The following ACAA2 variants were observed in gnomAD, a reference collection of about 807,000 sequenced individuals.
The protein encoded by ACAA2 is 3-ketoacyl-CoA thiolase, mitochondrial.
In ACAA2, 35 loss-of-function variants were observed where a neutral mutation model predicts 44.8. That is an observed-to-expected ratio of 0.78 (90% CI 0.60 to 1.04). The LOEUF (loss-of-function observed/expected upper bound fraction) is 1.04. Ranked by LOEUF, ACAA2 falls within the 50% of genes least tolerant of loss-of-function variation. The pLI is 0.00. For synonymous variants in ACAA2, 142 were observed against 166.5 expected (o/e 0.85, Z 1.13); for missense variants, 468 against 482.6 (o/e 0.97, Z 0.28).
At chr18:49,796,477 T>C (rs1024897536) in intron 3 of ACAA2, among the ~76,000 whole-genome samples, 1 of 152,212 alleles carries the variant, frequency 6.6e-6, no homozygotes, top group Non-Finnish European at 1.5e-5. Context: ...AACAAATTAA[T>C]GTGAAAATTG....
chr18:49,785,275 T>G lies in ACAA2; in HGVS notation c.1031A>C (p.Asn344Thr). Residue 344 changes from asparagine (N) to threonine (T), a missense_variant, in exon 9 of 10, where the codon AAT (asparagine) becomes ACT (threonine). Transcript: ENST00000285093. ...GTGACCCAAAGCAATGGCTCCTCCATTCACATTGGTTTTACTTATGTCAAG... is the reference window on the plus strand; with the variant it reads ...GTGACCCAAAGCAATGGCTCCTCCAGTCACATTGGTTTTACTTATGTCAAG... Reference protein sequence around the residue: ...LDLDISKTNVNGGAIALGHPL... With the variant: ...LDLDISKTNVTGGAIALGHPL... The G allele has an allele frequency of 6.2e-7, 1 of 1,614,148 alleles. No homozygotes were observed. Among genetic ancestry groups the G allele is most frequent in the Non-Finnish European group, 8.5e-7 (1 of 1,179,970 alleles).
rs1491158195 is a variant in ACAA2, at chr18:49,801,814, A to ATATATATATATCTC, written c.183+872_183+873insGAGATATATATATA. On this transcript the variant is annotated intron_variant, in intron 2 of 9. Transcript: ENST00000285093. ...TATATATATATATATATATATATAT[A>ATATATATATATCTC]TCTTATCTTTTTCATTAGATTATTA... Among the ~76,000 whole-genome samples the ATATATATATATCTC allele has an allele frequency of 2.3e-3, 316 of 134,940 alleles. 3 individuals are homozygous for ATATATATATATCTC. The highest frequency in any genetic ancestry group is 8.1e-3 in the African/African-American group (298 of 36,656). 88.5% of individuals were successfully genotyped at this position (134,940 alleles called of 152,430 possible).
At chr18:49,807,538 T>C (rs949877583) in intron 1 of ACAA2, among the ~76,000 whole-genome samples, 2 of 152,168 alleles carry the variant, frequency 1.3e-5, no homozygotes, top group African/African-American at 2.4e-5. Context: ...TTCATTAAAA[T>C]AGAAAACTTC....
At chr18:49,787,793 T>G (rs1315756019) in intron 7 of ACAA2, among the ~76,000 whole-genome samples, 1 of 152,106 alleles carries the variant, frequency 6.6e-6, no homozygotes, top group African/African-American at 2.4e-5. Flanking sequence ...ATATATGGGA[T>G]TTTAGTTATG....
At chr18:49,795,967 G>A in intron 3 of ACAA2, 86 bp from the exon 4 acceptor site, 2 of 843,886 alleles carry the variant, frequency 2.4e-6, no homozygotes, top group Non-Finnish European at 3.9e-6. Context: ...CAAATTAATG[G>A]TAAATCAAAC....
At position 49,802,505 on chromosome 18, in the gene ACAA2, C is replaced by T. The variant is rs576323267; in HGVS notation, c.183+182G>A. 1.1e-4 allele frequency among the ~76,000 whole-genome samples: 16 copies of T among 144,780 alleles called. No homozygotes were observed. The South Asian group carries it at 2.8e-3, about 25-fold the overall frequency. 95.0% of individuals were successfully genotyped at this position (144,780 alleles called of 152,430 possible). On this transcript the variant is annotated intron_variant, in intron 2 of 9. Transcript: ENST00000285093. ...TGAACCCGGGAGGCGGAAGTTGCAGCGAGCCAAGATCGCACCACCATACTC... is the reference window on the plus strand; with the variant it reads ...TGAACCCGGGAGGCGGAAGTTGCAGTGAGCCAAGATCGCACCACCATACTC...
chr18:49,796,113 A>T (rs185339248), intron 3 of ACAA2, among the ~76,000 whole-genome samples: 183 of 152,298 alleles, frequency 1.2e-3, no homozygotes, highest in African/African-American at 4.3e-3. Context: ...CCTGAGTAAC[A>T]GGCCCTACCT....
At position 49,802,486 on chromosome 18, in the gene ACAA2, C is replaced by T. The variant is rs147824179; in HGVS notation, c.183+201G>A. 2.2e-3 allele frequency among the ~76,000 whole-genome samples: 318 copies of T among 147,566 alleles called. 2 individuals are homozygous for T. The highest frequency in any genetic ancestry group is 5.9e-3 in the African/African-American group (235 of 39,792). ...CTGAGGCAGGAGAATTGCTTGAACC[C>T]GGGAGGCGGAAGTTGCAGCGAGCCA... On this transcript the variant is annotated intron_variant, in intron 2 of 9. Transcript: ENST00000285093.
At chr18:49,801,785 C>CAT (rs55864039) in intron 2 of ACAA2, among the ~76,000 whole-genome samples, 7,894 of 112,062 alleles carry the variant, frequency 0.07, 592 homozygotes, top group East Asian at 0.35. Context: ...AGAAACTGAT[C>CAT]ATATATATAT....
chr18:49,787,260 T>TATAAAA (rs1555789739), intron 8 of ACAA2, 31 bp downstream of exon 8: 8 of 1,028,130 alleles, frequency 7.8e-6, no homozygotes, highest in African/African-American at 5.9e-5. Flanking sequence ...TTCATGTTGT[T>TATAAAA]AAAAAAAAAA....
intron 9 of ACAA2, 70 bp from the exon 10 acceptor site, chr18:49,784,001 A>C: frequency 1.6e-6 from 2 of 1,219,394 alleles, no homozygotes; most frequent in Non-Finnish European, 1.2e-6. Flanking sequence ...AACTAATAAC[A>C]TCACATCTGC....
chr18:49,792,122 A>G (rs752809988), intron 6 of ACAA2, 30 bp downstream of exon 6: 49 of 1,585,424 alleles, frequency 3.1e-5, no homozygotes, highest in Non-Finnish European at 4.2e-5. Context: ...ACCAGGAAGA[A>G]TTCAAGCTAA....
rs1176992343 is a variant in ACAA2 at position 49,796,080 on chromosome 18, C to T, written c.313-199G>A. Among the ~76,000 whole-genome samples, 13 of 152,110 alleles carry T rather than the reference C, an allele frequency of 8.5e-5. No individual in the cohort carries two copies. In the East Asian group the frequency reaches 2.5e-3, roughly 29 times the overall value. On this transcript the variant is annotated intron_variant, in intron 3 of 9. Transcript: ENST00000285093. ...ATTACCAAGATGTAGGAGGAGAAAA[C>T]TAAAAGGTTTCAATCATGTTTGCCT...
intron 2 of ACAA2, among the ~76,000 whole-genome samples, chr18:49,800,549 C>G (rs2023534973): frequency 6.6e-6 from 1 of 152,160 alleles, no homozygotes; most frequent in African/African-American, 2.4e-5. Flanking sequence ...TTGTTTTGTA[C>G]TAAGAAAAAT....
At chr18:49,788,614 G>C (rs185395282) in intron 7 of ACAA2, among the ~76,000 whole-genome samples, 2 of 152,314 alleles carry the variant, frequency 1.3e-5, no homozygotes, top group African/African-American at 4.8e-5. Flanking sequence ...CAGTAGTAAA[G>C]CATCAGTTAT....
chr18:49,808,597 C>T (rs186134019), intron 1 of ACAA2, among the ~76,000 whole-genome samples: 1,662 of 152,162 alleles, frequency 0.011, 14 homozygotes, highest in Non-Finnish European at 0.017. Flanking sequence ...GTCCAGGATG[C>T]CCACCTGAAC....
chr18:49,801,296 A>G (rs2143969589), intron 2 of ACAA2, among the ~76,000 whole-genome samples: 1 of 152,222 alleles, frequency 6.6e-6, no homozygotes, highest in East Asian at 1.9e-4. Flanking sequence ...AACACAAGAA[A>G]AACTGTCTTT....
intron 1 of ACAA2, among the ~76,000 whole-genome samples, chr18:49,810,413 C>T (rs1303169343): frequency 6.6e-6 from 1 of 152,164 alleles, no homozygotes; most frequent in Non-Finnish European, 1.5e-5. Flanking sequence ...TCATTTGTCT[C>T]TCTACAAAGT....
intron 7 of ACAA2, among the ~76,000 whole-genome samples, chr18:49,791,268 T>C (rs984304529): frequency 6.6e-6 from 1 of 152,240 alleles, no homozygotes; most frequent in Non-Finnish European, 1.5e-5. Flanking sequence ...ATATGATTAC[T>C]TCCTCCATGG....
Sources: allele counts gnomAD v4.1 joint callset (sites outside exome capture counted in the v4.1 genomes callset), GRCh38; gene constraint gnomAD v4.1.1; transcripts MANE v1.5; gene names NCBI Gene and HGNC (gene_info 2026-07-23, HGNC 2026-07-21).